The following VAT1L variants were observed in gnomAD, a reference collection of about 807,000 sequenced individuals.
VAT1L encodes putative NADPH-dependent quinone oxidoreductase VAT1L.
In VAT1L, 34 loss-of-function variants were observed where a neutral mutation model predicts 44.1. That is an observed-to-expected ratio of 0.77 (90% confidence interval 0.59 to 1.03). The LOEUF is 1.03. VAT1L is among the 50% of genes least tolerant of loss of function. The probability of loss-of-function intolerance (pLI) is 0.00; values close to 1 mark genes in which losing one functional copy is unlikely to be tolerated. For missense variants in VAT1L, 615 were observed against 538.8 expected (o/e 1.14, Z -1.40); for synonymous variants, 253 against 202.2 (o/e 1.25, Z -2.13).
chr16:77,973,507 A>ACTC (rs2018302478), intron 8 of VAT1L, among the ~76,000 whole-genome samples: 1 of 150,750 alleles, frequency 6.6e-6, no homozygotes. Flanking sequence ...CTGGTCTTGA[A>ACTC]CTCCTGACCT....
chr16:77,965,855 T>TGTG lies in VAT1L; in HGVS notation c.1078-5994_1078-5992dup, dbSNP rs1245707879. Among the ~76,000 whole-genome samples the TGTG allele has an allele frequency of 2.0e-5, 3 of 152,330 alleles. No homozygotes were observed. In the East Asian group the frequency reaches 5.8e-4, roughly 29 times the overall value. ...CATTCATTCATCCCAGAAGCTATTG[T>TGTG]GTGACAGATGTCCTTTTGCACTATG... On this transcript the variant is annotated intron_variant, in intron 7 of 8. Coordinates refer to ENST00000302536, the MANE Select transcript of VAT1L (RefSeq NM_020927.3).
chr16:77,800,650 T>C (rs1009818747), intron 1 of VAT1L: 3 of 152,150 alleles, frequency 2.0e-5, no homozygotes, highest in African/African-American at 7.2e-5. Flanking sequence ...ACCCAGAATA[T>C]GTCCCCATTT....
At chr16:77,907,112 G>A (rs2142481421) in intron 7 of VAT1L, among the ~76,000 whole-genome samples, 1 of 152,358 alleles carries the variant, frequency 6.6e-6, no homozygotes, top group South Asian at 2.1e-4. Context: ...AAGCCCTGCT[G>A]TGTAGCATTG....
At chr16:77,867,013 G>C (rs1419084228) in intron 4 of VAT1L, among the ~76,000 whole-genome samples, 2 of 152,202 alleles carry the variant, frequency 1.3e-5, no homozygotes, top group African/African-American at 2.4e-5. Flanking sequence ...GAACAGGGCA[G>C]ATAATAATAG....
At chr16:77,908,658 G>A (rs563252826) in intron 7 of VAT1L, among the ~76,000 whole-genome samples, 135 of 152,102 alleles carry the variant, frequency 8.9e-4, no homozygotes, top group African/African-American at 2.9e-3. Flanking sequence ...ACTCACGCCC[G>A]TAATCTCAGC....
At chr16:77,924,610 GCCACCACA>G (rs1427611368) in intron 7 of VAT1L, among the ~76,000 whole-genome samples, 1 of 152,074 alleles carries the variant, frequency 6.6e-6, no homozygotes, top group Non-Finnish European at 1.5e-5. Context: ...ACATACGTAT[GCCACCACA>G]CCCACCTAAT....
intron 7 of VAT1L, among the ~76,000 whole-genome samples, chr16:77,885,425 T>C (rs1038212496): frequency 7.9e-5 from 12 of 152,158 alleles, no homozygotes; most frequent in African/African-American, 2.9e-4. Flanking sequence ...TGGCCCTTGC[T>C]AGGAGAAGGC....
chr16:77,869,164 T>C (rs542194398), intron 4 of VAT1L, among the ~76,000 whole-genome samples: 3 of 152,178 alleles, frequency 2.0e-5, no homozygotes, highest in East Asian at 1.9e-4. Context: ...GCAGTGCCTA[T>C]AGAGATTTTG....
At chr16:77,856,572 A>T (rs1426029999) in intron 3 of VAT1L, among the ~76,000 whole-genome samples, 1 of 152,152 alleles carries the variant, frequency 6.6e-6, no homozygotes, top group Non-Finnish European at 1.5e-5. Context: ...CTTGCTTTAA[A>T]CTGCCAGTCT....
At chr16:77,927,781 A>C (rs1373017996) in intron 7 of VAT1L, among the ~76,000 whole-genome samples, 1 of 152,072 alleles carries the variant, frequency 6.6e-6, no homozygotes, top group Non-Finnish European at 1.5e-5. Flanking sequence ...AGGCAGGAGA[A>C]TCGCTTGAAC....
chr16:77,934,562 T>C (rs1185395169), intron 7 of VAT1L, among the ~76,000 whole-genome samples: 1 of 152,170 alleles, frequency 6.6e-6, no homozygotes, highest in Admixed American at 6.5e-5. Flanking sequence ...ATTTCTGACC[T>C]CTAGAACTAT....
chr16:77,821,552 T>G (rs1315450723), intron 2 of VAT1L, among the ~76,000 whole-genome samples: 1 of 152,148 alleles, frequency 6.6e-6, no homozygotes, highest in Non-Finnish European at 1.5e-5. Context: ...CTCAGCTTCC[T>G]AAAGTGCTGG....
intron 5 of VAT1L, among the ~76,000 whole-genome samples, chr16:77,878,778 C>T (rs549784313): frequency 1.6e-4 from 25 of 152,308 alleles, no homozygotes; most frequent in Middle Eastern, 6.8e-3. Flanking sequence ...CCAAGCCCCT[C>T]ACTTGCTGGG....
intron 1 of VAT1L, among the ~76,000 whole-genome samples, chr16:77,797,906 T>G (rs979579311): frequency 6.6e-6 from 1 of 152,134 alleles, no homozygotes; most frequent in African/African-American, 2.4e-5. Context: ...TACAGAAAAT[T>G]GGTTGGAGCC....
intron 1 of VAT1L, among the ~76,000 whole-genome samples, chr16:77,813,820 G>T (rs562713309): frequency 5.9e-5 from 9 of 152,154 alleles, no homozygotes; most frequent in African/African-American, 2.2e-4. Flanking sequence ...ATGGGTTCCC[G>T]TCTAGATTAT....
chr16:77,971,790 CTTT>C, intron 7 of VAT1L, 57 bp from the exon 8 acceptor site: 9 of 1,561,822 alleles, frequency 5.8e-6, no homozygotes, highest in Non-Finnish European at 7.8e-6. Flanking sequence ...TCCAGGCCCC[CTTT>C]TTAACTGGGG....
chr16:77,945,099 T>C (rs2017943487), intron 7 of VAT1L, among the ~76,000 whole-genome samples: 1 of 152,114 alleles, frequency 6.6e-6, no homozygotes, highest in Non-Finnish European at 1.5e-5. Flanking sequence ...TCACAGGCCA[T>C]TCAGAGTGTT....
At chr16:77,933,966 G>A (rs1469292056) in intron 7 of VAT1L, among the ~76,000 whole-genome samples, 2 of 152,176 alleles carry the variant, frequency 1.3e-5, no homozygotes, top group Non-Finnish European at 2.9e-5. Context: ...TTGGGCGATG[G>A]AATGACGTGG....
intron 7 of VAT1L, among the ~76,000 whole-genome samples, chr16:77,925,881 G>A (rs1159758739): frequency 6.6e-6 from 1 of 152,102 alleles, no homozygotes; most frequent in East Asian, 1.9e-4. Flanking sequence ...CCTTGACCAT[G>A]AAGCTGCCTA....
Sources: allele counts gnomAD v4.1 joint callset (sites outside exome capture counted in the v4.1 genomes callset), GRCh38; gene constraint gnomAD v4.1.1; transcripts MANE v1.5; gene names NCBI Gene and HGNC (gene_info 2026-07-23, HGNC 2026-07-21).